Variants in SUMF1 observed in about 807,000 individuals in gnomAD.
SUMF1 encodes the protein sulfatase modifying factor 1.
SUMF1 carries 48 observed loss-of-function variants against 47.6 expected under a neutral mutation model. The ratio of observed to expected loss-of-function variants is 1.01; its 90% CI spans 0.80 to 1.28. SUMF1 has a LOEUF of 1.28. SUMF1 is among the 50% of genes most tolerant of loss of function. SUMF1 has a pLI of 0.00. For missense variants in SUMF1, 571 were observed against 485.4 expected, an observed-to-expected ratio of 1.18 and a Z score of -1.66; for synonymous variants, 230 against 192.1, an observed-to-expected ratio of 1.20 and a Z score of -1.63.
intron 9 of SUMF1, among the ~76,000 whole-genome samples, chr3:4,063,137 A>C (rs1185204822): frequency 6.6e-6 from 1 of 152,134 alleles, no homozygotes; most frequent in East Asian, 1.9e-4. Flanking sequence ...ATTAAGACAG[A>C]CACTAAGGTT....
Position 4,273,704 on chromosome 3 carries a change from A to AG in SUMF1, c.1014+102625dup, listed in dbSNP as rs375267181. Among the ~76,000 whole-genome samples, 2 of 97,958 alleles carry AG rather than the reference A, an allele frequency of 2.0e-5. 1 individual carries two copies. Among genetic ancestry groups the AG allele is most frequent in the African/African-American group, 9.9e-5 (2 of 20,112 alleles). 64.3% of individuals were successfully genotyped at this position (97,958 alleles called of 152,430 possible). A position where few individuals can be genotyped will look rare whatever the true frequency, so the allele number is the denominator to read the frequency against. On this transcript the variant is annotated intron_variant and NMD_transcript_variant, in intron 8 of 12. Transcript: ENST00000448413. ...AGAAGGAAGGGAGGGAGGATACGGG[A>AG]GGGAGGATACGGGAGGGAGGATACG...
chr3:4,431,568 C>G (rs1019281475), intron 3 of SUMF1, among the ~76,000 whole-genome samples: 1 of 152,204 alleles, frequency 6.6e-6, no homozygotes, highest in African/African-American at 2.4e-5. Flanking sequence ...CCTCCTCACT[C>G]TTTGATTGTC....
rs551888370 is a variant in SUMF1 at position 4,444,164 on chromosome 3, A to C, written c.519+5102T>G. Among the ~76,000 whole-genome samples the C allele has an allele frequency of 2.7e-4, 41 of 152,350 alleles. 1 individual carries two copies. Among genetic ancestry groups the C allele is most frequent in the African/African-American group, 8.9e-4 (37 of 41,582 alleles). Reference sequence around the variant, plus strand: ...GCTTTATTCCAAAAGAAAAAAAATAAAGTATGTGAGCTACTCAAGAAAAAT... The same window carrying C: ...GCTTTATTCCAAAAGAAAAAAAATACAGTATGTGAGCTACTCAAGAAAAAT... On this transcript the variant is annotated intron_variant, in intron 3 of 8. Coordinates refer to ENST00000272902, the MANE Select transcript of SUMF1 (RefSeq NM_182760.4).
chr3:4,120,710 C>T (rs530350683), intron 8 of SUMF1, among the ~76,000 whole-genome samples: 2 of 152,064 alleles, frequency 1.3e-5, no homozygotes, highest in East Asian at 1.9e-4. Flanking sequence ...AAGTGACTTA[C>T]GAGGTCACTC....
intron 8 of SUMF1, among the ~76,000 whole-genome samples, chr3:4,240,299 G>T (rs906954846): frequency 6.6e-6 from 1 of 152,056 alleles, no homozygotes; most frequent in South Asian, 2.1e-4. Context: ...AAGTTAGGGA[G>T]GATTCCCTCT....
chr3:4,389,611 T>C (rs760873599), intron 7 of SUMF1, among the ~76,000 whole-genome samples: 5 of 152,202 alleles, frequency 3.3e-5, no homozygotes, highest in Non-Finnish European at 7.3e-5. Context: ...GAACTTTTGT[T>C]ATAATCACGT....
chr3:4,290,239 G>A (rs1156426001), intron 8 of SUMF1, among the ~76,000 whole-genome samples: 1 of 152,156 alleles, frequency 6.6e-6, no homozygotes, highest in African/African-American at 2.4e-5. Flanking sequence ...AACTGCCTAT[G>A]TACTCGTTAT....
intron 8 of SUMF1, among the ~76,000 whole-genome samples, chr3:4,264,190 C>G (rs1697142558): frequency 6.6e-6 from 1 of 152,042 alleles, no homozygotes; most frequent in South Asian, 2.1e-4. Flanking sequence ...AATAAAGCTC[C>G]CACCCAAAGG....
At chr3:4,075,505 G>C (rs572620224) in intron 8 of SUMF1, among the ~76,000 whole-genome samples, 1 of 151,412 alleles carries the variant, frequency 6.6e-6, no homozygotes, top group Non-Finnish European at 1.5e-5. Context: ...TTAGGCAAGA[G>C]AAAGAAAAAA....
At chr3:4,090,162 G>A (rs763685506) in intron 8 of SUMF1, among the ~76,000 whole-genome samples, 12 of 152,188 alleles carry the variant, frequency 7.9e-5, no homozygotes, top group South Asian at 6.2e-4. Context: ...TAATTTGAGC[G>A]CATGCACAGC....
chr3:4,052,123 C>T (rs1000360825), intron 9 of SUMF1, among the ~76,000 whole-genome samples: 6 of 152,048 alleles, frequency 3.9e-5, no homozygotes, highest in Admixed American at 1.3e-4. Context: ...GATCAAGGCA[C>T]CAGAAAATCT....
intron 8 of SUMF1, among the ~76,000 whole-genome samples, chr3:4,241,748 G>T (rs1461538000): frequency 6.6e-6 from 1 of 152,130 alleles, no homozygotes. Context: ...GTGGGTTTAG[G>T]AGCAGCAGTT....
chr3:4,058,725 G>A (rs1340731579), intron 9 of SUMF1, among the ~76,000 whole-genome samples: 1 of 152,096 alleles, frequency 6.6e-6, no homozygotes, highest in Non-Finnish European at 1.5e-5. Flanking sequence ...AGTAGAACAG[G>A]CTTGGTTCCT....
At chr3:4,208,622 G>A (rs553685642) in intron 8 of SUMF1, among the ~76,000 whole-genome samples, 65 of 151,974 alleles carry the variant, frequency 4.3e-4, no homozygotes, top group African/African-American at 1.4e-3. Context: ...GCGGAGAGAC[G>A]AAAATTCTAA....
intron 8 of SUMF1, among the ~76,000 whole-genome samples, chr3:4,125,741 C>G (rs1038399895): frequency 6.6e-6 from 1 of 152,160 alleles, no homozygotes; most frequent in Non-Finnish European, 1.5e-5. Context: ...GTGGCATGCT[C>G]ACGGCTCACT....
At chr3:4,337,895 C>T (rs1280343370) in intron 8 of SUMF1, among the ~76,000 whole-genome samples, 8 of 151,996 alleles carry the variant, frequency 5.3e-5, no homozygotes, top group African/African-American at 2.4e-5. Context: ...CAGTAATCAC[C>T]TCACCTCCCT....
chr3:4,224,569 C>T (rs1696134731), intron 8 of SUMF1, among the ~76,000 whole-genome samples: 2 of 152,004 alleles, frequency 1.3e-5, no homozygotes, highest in South Asian at 4.2e-4. Flanking sequence ...TCACAACTAG[C>T]ACAGCAAGGG....
chr3:4,407,189 G>A (rs557373207), intron 7 of SUMF1, among the ~76,000 whole-genome samples: 2 of 151,948 alleles, frequency 1.3e-5, no homozygotes, highest in African/African-American at 2.4e-5. Context: ...AGCACACATG[G>A]CTGTTTCCAC....
At chr3:4,167,510 T>G (rs879377267) in intron 8 of SUMF1, among the ~76,000 whole-genome samples, 2 of 152,164 alleles carry the variant, frequency 1.3e-5, no homozygotes, top group Non-Finnish European at 2.9e-5. Flanking sequence ...TTTACAAACC[T>G]CTCACTCCCT....
Sources: allele counts gnomAD v4.1 joint callset (sites outside exome capture counted in the v4.1 genomes callset), GRCh38; gene constraint gnomAD v4.1.1; transcripts MANE v1.5; gene names NCBI Gene and HGNC (gene_info 2026-07-23, HGNC 2026-07-21).